PCSK5: variants seen among roughly 807,000 people sequenced by gnomAD.
PCSK5 encodes the protein proprotein convertase subtilisin/kexin type 5.
PCSK5 carries 129 observed loss-of-function variants against 233.2 expected under a neutral mutation model. That is an observed-to-expected ratio of 0.55 (90% CI 0.48 to 0.64). The LOEUF is 0.64. Among genes scored for constraint, PCSK5 ranks in the 30% least tolerant of loss-of-function variants. The pLI, the probability that PCSK5 is intolerant of heterozygous loss-of-function variation, is 0.00. For synonymous variants in PCSK5, 825 were observed against 879.2 expected (o/e 0.94, Z 1.09); for missense variants, 2,076 against 2,430.1 (o/e 0.85, Z 3.06).
intron 15 of PCSK5, among the ~76,000 whole-genome samples, chr9:76,181,154 G>A (rs1338026995): frequency 6.6e-6 from 1 of 152,208 alleles, no homozygotes; most frequent in Non-Finnish European, 1.5e-5. Flanking sequence ...AGAGCTAGGT[G>A]CAAACCAGGA....
chr9:76,232,859 A>G (rs1460096121), intron 21 of PCSK5, among the ~76,000 whole-genome samples: 1 of 152,198 alleles, frequency 6.6e-6, no homozygotes, highest in African/African-American at 2.4e-5. Flanking sequence ...GTAGGTGTTC[A>G]TGGTCAGAAA....
intron 30 of PCSK5, among the ~76,000 whole-genome samples, chr9:76,313,762 C>G (rs1174673671): frequency 6.6e-6 from 1 of 152,110 alleles, no homozygotes. Context: ...AGCTTCATCC[C>G]CAGCTGGGTA....
At chr9:76,101,824 A>G (rs1831770762) in intron 8 of PCSK5, among the ~76,000 whole-genome samples, 1 of 152,158 alleles carries the variant, frequency 6.6e-6, no homozygotes, top group Admixed American at 6.5e-5. Context: ...AAGCAGCTCT[A>G]CATTTTCTTT....
chr9:76,122,540 G>C (rs979524019), intron 9 of PCSK5, among the ~76,000 whole-genome samples: 41 of 152,022 alleles, frequency 2.7e-4, no homozygotes, highest in Admixed American at 1.3e-4. Flanking sequence ...CCAGATAATA[G>C]GGTTAGATTA....
At chr9:76,134,827 C>A (rs1483055685) in intron 10 of PCSK5, among the ~76,000 whole-genome samples, 1 of 151,664 alleles carries the variant, frequency 6.6e-6, no homozygotes, top group African/African-American at 2.4e-5. Flanking sequence ...ATCATAGTTC[C>A]CAAAATAGCT....
At chr9:76,099,327 A>C (rs1295679994) in intron 8 of PCSK5, among the ~76,000 whole-genome samples, 1 of 152,160 alleles carries the variant, frequency 6.6e-6, no homozygotes, top group Non-Finnish European at 1.5e-5. Flanking sequence ...TGGAGATAAT[A>C]CCAGCACCTA....
At chr9:76,072,185 A>C (rs76021297) in intron 7 of PCSK5, among the ~76,000 whole-genome samples, 9 of 152,346 alleles carry the variant, frequency 5.9e-5, no homozygotes, top group East Asian at 3.9e-4. Context: ...GCATTTGGAG[A>C]AATAAATTCT....
Position 76,321,577 on chromosome 9 carries a change from A to G in PCSK5, c.4040A>G (p.Lys1347Arg), listed in dbSNP as rs78703446. 3,741 of 1,612,620 alleles carry G rather than the reference A, an allele frequency of 2.3e-3. 86 individuals carry two copies. In the African/African-American group the frequency reaches 0.045, roughly 20 times the overall value. ...TGCCCCGAGAGGCACGTGGCTGTGA[A>G]GGGGGTATGCAAGCATTGCCCAGAG... ...ENCPERHVAVKGVCKHCPEMC... is the reference protein window; with the variant it reads ...ENCPERHVAVRGVCKHCPEMC... Residue 1347 changes from lysine to arginine, a missense_variant, in exon 31 of 38, where the codon AAG becomes AGG. This residue lies in a region of PCSK5 where 1,510 missense variants were observed against 1,538.1 expected (regional missense o/e 0.98). Coordinates refer to ENST00000674117, the MANE Select transcript of PCSK5 (RefSeq NM_001372043.1).
intron 3 of PCSK5, among the ~76,000 whole-genome samples, chr9:76,016,319 C>T (rs1048379615): frequency 1.5e-4 from 23 of 152,186 alleles, no homozygotes; most frequent in Admixed American, 1.1e-3. Flanking sequence ...GTTGCATGGA[C>T]TAGAGTTCAA....
At position 76,312,541 on chromosome 9, in the gene PCSK5, G is replaced by A. The variant is rs7028908; in HGVS notation, c.3884+1690G>A. On this transcript the variant is annotated intron_variant, in intron 30 of 37. Coordinates refer to ENST00000674117, the MANE Select transcript of PCSK5 (RefSeq NM_001372043.1). ...AAAAAAAAGCAAAAAAGCAAAACTG[G>A]CACCTATTTCCTAGTGACCTATTTG... is the stretch of plus-strand genomic sequence containing the variant. 8.5e-3 allele frequency among the ~76,000 whole-genome samples: 1,282 copies of A among 151,184 alleles called. 13 individuals are homozygous for A. Among genetic ancestry groups the A allele is most frequent in the African/African-American group, 0.03 (1,225 of 41,220 alleles).
intron 17 of PCSK5, 75 bp from the exon 18 acceptor site, chr9:76,188,503 A>G: frequency 2.2e-6 from 2 of 889,550 alleles, no homozygotes; most frequent in South Asian, 2.9e-5. Context: ...TCTGTTACAT[A>G]TGGAGTTTGG....
chr9:76,146,838 T>A (rs1026838442), intron 10 of PCSK5, among the ~76,000 whole-genome samples: 1 of 152,192 alleles, frequency 6.6e-6, no homozygotes, highest in African/African-American at 2.4e-5. Context: ...TCTTTTCATG[T>A]TCATGAGACC....
intron 3 of PCSK5, among the ~76,000 whole-genome samples, chr9:76,006,888 G>A (rs936890756): frequency 5.9e-5 from 9 of 152,110 alleles, no homozygotes; most frequent in African/African-American, 2.2e-4. Flanking sequence ...GTATTTTTTG[G>A]TGTGGAGGTC....
At chr9:75,944,195 A>G (rs564729825) in intron 2 of PCSK5, among the ~76,000 whole-genome samples, 1 of 150,312 alleles carries the variant, frequency 6.7e-6, no homozygotes, top group African/African-American at 2.4e-5. Context: ...ATATATATAT[A>G]TATACACATA....
chr9:75,920,691 A>G (rs1202650887), intron 1 of PCSK5, among the ~76,000 whole-genome samples: 5 of 152,054 alleles, frequency 3.3e-5, no homozygotes, highest in Non-Finnish European at 7.4e-5. Context: ...CTGTAATCCC[A>G]GTTACTCTGG....
At chr9:75,910,528 G>A (rs1048880442) in intron 1 of PCSK5, among the ~76,000 whole-genome samples, 3 of 151,538 alleles carry the variant, frequency 2.0e-5, no homozygotes, top group African/African-American at 4.8e-5. Context: ...TATTCTATGA[G>A]TTCAGATAGA....
At chr9:76,012,229 T>G (rs1827757044) in intron 3 of PCSK5, among the ~76,000 whole-genome samples, 1 of 152,248 alleles carries the variant, frequency 6.6e-6, no homozygotes, top group Non-Finnish European at 1.5e-5. Context: ...TAAACCATTA[T>G]GCAATAGATA....
Position 76,189,636 on chromosome 9 carries a change from A to C in PCSK5, c.2516A>C (p.Asp839Ala). The change falls in exon 20 of 38, where the codon GAT (aspartate) becomes GCT (alanine). Residue 839 changes from aspartate (D) to alanine (A), a missense_variant. Asp to Ala is a moderately radical substitution (Grantham distance 126). Coordinates refer to ENST00000674117, the MANE Select transcript of PCSK5 (RefSeq NM_001372043.1). ...ENGYKSCKKC[D>A]ISCLTCNGPG... ...ATTGTACATTTTTCTCATAGATGTG[A>C]TATCAGTTGTTTGACGTGCAATGGC... is the stretch of plus-strand genomic sequence containing the variant. The C allele has an allele frequency of 6.2e-7, 1 of 1,601,744 alleles. No individual in the cohort carries two copies. Among genetic ancestry groups the C allele is most frequent in the Non-Finnish European group, 8.6e-7 (1 of 1,168,878 alleles).
At chr9:76,149,254 A>G (rs888728718) in intron 10 of PCSK5, among the ~76,000 whole-genome samples, 1 of 152,174 alleles carries the variant, frequency 6.6e-6, no homozygotes, top group Non-Finnish European at 1.5e-5. Context: ...ACAAGGAATA[A>G]TTTTTCTTTG....
Sources: allele counts gnomAD v4.1 joint callset (sites outside exome capture counted in the v4.1 genomes callset), GRCh38; gene constraint gnomAD v4.1.1; regional missense constraint gnomAD v4.1.1; transcripts MANE v1.5; gene names NCBI Gene and HGNC (gene_info 2026-07-23, HGNC 2026-07-21).